Variants in MAP7D1 observed in about 807,000 individuals in gnomAD.
The protein encoded by MAP7D1 is MAP7 domain containing 1.
A neutral mutation model predicts 97.5 loss-of-function variants in MAP7D1; 30 were observed. The observed-to-expected ratio is 0.31, with a 90% CI of 0.23 to 0.42. The LOEUF (loss-of-function observed/expected upper bound fraction) is 0.42. MAP7D1 is among the 10% of genes least tolerant of loss of function. MAP7D1 has a pLI of 1.00. For missense variants in MAP7D1, 1,184 were observed against 1,179.5 expected (o/e 1.00, Z -0.06); for synonymous variants, 536 against 477.1 (o/e 1.12, Z -1.61).
Position 36,172,589 on chromosome 1 carries a change from C to T in MAP7D1, c.586C>T (p.Leu196=). 6.3e-7 allele frequency: 1 copy of T among 1,580,432 alleles called. No homozygotes were observed. Among genetic ancestry groups the T allele is most frequent in the Non-Finnish European group, 8.7e-7 (1 of 1,153,696 alleles). ...TAAAGCCGAGCAACGCCGTGCAGCC[C>T]TGGAGGAACGGCAGCGGCAGAAGCT... The part of the protein sequence containing the change: ...RLKAEQRRAA[L]EERQRQKLEK... Residue 196 remains leucine, a synonymous_variant, in exon 4 of 17, where the codon CTG becomes TTG. Coordinates refer to ENST00000474796, the MANE Select transcript of MAP7D1 (RefSeq NM_001388490.1).
Position 36,156,385 on chromosome 1 carries a change from T to TGAGACCCC in MAP7D1, c.-24_-17dup. On this transcript the variant is annotated 5_prime_UTR_variant, in exon 1 of 17. Coordinates refer to ENST00000474796, the MANE Select transcript of MAP7D1 (RefSeq NM_001388490.1). ...CACTGGCCGCCGCCGCCGCCGCCGCTGAGACCCCGAGACCCCCAGTGACGC... is the reference window on the plus strand; with the variant it reads ...CACTGGCCGCCGCCGCCGCCGCCGCTGAGACCCCGAGACCCCGAGACCCCCAGTGACGC... 6.7e-7 allele frequency: 1 copy of TGAGACCCC among 1,482,602 alleles called. No individual in the cohort carries two copies. 91.8% of individuals were successfully genotyped at this position (1,482,602 alleles called of 1,614,324 possible).
intron 6 of MAP7D1, 88 bp downstream of exon 6, chr1:36,175,096 CTGGAGCCCTCA>C: frequency 5.1e-6 from 4 of 784,144 alleles, no homozygotes; most frequent in East Asian, 5.2e-5. Context: ...CACCAGGTCC[CTGGAGCCCTCA>C]CATACTCCAG....
chr1:36,178,086 C>G lies in MAP7D1; in HGVS notation c.1593C>G (p.Arg531=). The part of the protein sequence containing the change: ...AGPEDKSQSK[R]RASNEKESAA... ...CCGAGGACAAGAGCCAGAGCAAGCG[C>G]AGGGCCAGTAACGAGAAGGAGTCAG... Residue 531 remains arginine, a synonymous_variant, in exon 9 of 17, where the codon CGC becomes CGG. Transcript: ENST00000474796. 3 of 1,607,010 alleles carry G rather than the reference C, an allele frequency of 1.9e-6. No homozygotes were observed. Among genetic ancestry groups the G allele is most frequent in the Non-Finnish European group, 2.5e-6 (3 of 1,177,180 alleles).
rs1644647227 is a variant in MAP7D1 at position 36,177,667 on chromosome 1, CAAT to C, written c.1380-202_1380-200del. The C allele has an allele frequency of 1.5e-5, 12 of 825,448 alleles. 1 individual carries two copies. The South Asian group carries it at 1.8e-4, about 13-fold the overall frequency. 51.1% of individuals were successfully genotyped at this position (825,448 alleles called of 1,614,324 possible). ...TTACAGGCTATTGGCGGGGGACATA[CAAT>C]AATCAAAGAATCCCACAGAAACATG... On this transcript the variant is annotated intron_variant, in intron 8 of 16. Transcript: ENST00000474796.
intron 6 of MAP7D1, 28 bp downstream of exon 6, chr1:36,175,036 C>G (rs753633905): frequency 1.3e-6 from 2 of 1,493,506 alleles, no homozygotes; most frequent in South Asian, 2.3e-5. Flanking sequence ...CCTTCCCCCT[C>G]CAGAGCCCCT....
In MAP7D1 at chr1:36,168,261, C is replaced by T. The variant is rs537844688; in HGVS notation, c.47-2710C>T. 1.2e-4 allele frequency among the ~76,000 whole-genome samples: 18 copies of T among 150,128 alleles called. 1 individual carries two copies. The South Asian group carries it at 3.6e-3, about 30-fold the overall frequency. On this transcript the variant is annotated intron_variant, in intron 1 of 16. Coordinates refer to ENST00000474796, the MANE Select transcript of MAP7D1 (RefSeq NM_001388490.1). ...AGTGAGCCGAGATCGCACCACTGCA[C>T]TCCAGCCTGGCAACAGAGTGAGACT... is the stretch of plus-strand genomic sequence containing the variant.
At chr1:36,171,434 G>A (rs1170908219) in intron 2 of MAP7D1, 79 bp from the exon 3 acceptor site, 11 of 1,571,092 alleles carry the variant, frequency 7.0e-6, no homozygotes, top group East Asian at 2.3e-5. Flanking sequence ...ATGGGGTGAG[G>A]CCCGGAGGGA....
chr1:36,178,928 A>G lies in MAP7D1; in HGVS notation c.2033A>G (p.Glu678Gly). 8 of 1,555,024 alleles carry G rather than the reference A, an allele frequency of 5.1e-6. No individual in the cohort carries two copies. The highest frequency in any genetic ancestry group is 7.0e-6 in the Non-Finnish European group (8 of 1,149,282). The change falls in exon 12 of 17, where the codon GAG becomes GGG. Residue 678 changes from glutamate (E) to glycine (G), a missense_variant. Coordinates refer to ENST00000474796, the MANE Select transcript of MAP7D1 (RefSeq NM_001388490.1). ...CATGGGGGTCTTTGGCAGAAAGAGG[A>G]GGCCGAAGCTCGGTCGCGGGAAGAG... Reference protein sequence around the residue: ...EQERLQKQKEEAEARSREEAE... With the variant: ...EQERLQKQKEGAEARSREEAE...
Position 36,171,509 on chromosome 1 carries a change from T to C in MAP7D1, c.392-4T>C, listed in dbSNP as rs1179059543. ...ACCTGTCTGTTCTTGTTCCCTCTGC[T>C]CAGAGGTGAAGAAGGCAGGAGAGAG... On this transcript the variant is annotated splice_polypyrimidine_tract_variant and splice_region_variant and intron_variant, in intron 2 of 16. Transcript: ENST00000474796. 6.2e-7 allele frequency: 1 copy of C among 1,613,956 alleles called. No individual in the cohort carries two copies. Among genetic ancestry groups the C allele is most frequent in the Non-Finnish European group, 8.5e-7 (1 of 1,179,998 alleles).
chr1:36,179,424 T>C (rs1469031252), intron 13 of MAP7D1, 91 bp from the exon 14 acceptor site: 4 of 1,573,380 alleles, frequency 2.5e-6, no homozygotes, highest in Non-Finnish European at 3.5e-6. Flanking sequence ...GGGAGGCCGC[T>C]GCGGCCCGGG....
intron 1 of MAP7D1, among the ~76,000 whole-genome samples, chr1:36,168,604 AGGAGTTGGT>A (rs1163284989): frequency 2.6e-5 from 4 of 152,124 alleles, no homozygotes; most frequent in South Asian, 4.1e-4. Context: ...CATGTAGCCT[AGGAGTTGGT>A]GGAGTTGGTG....
rs1352384597 is a variant in MAP7D1, at chr1:36,179,589, C to G, written c.2227+32C>G. 51 of 1,555,168 alleles carry G rather than the reference C, an allele frequency of 3.3e-5. 1 individual carries two copies. The Admixed American group carries it at 1.0e-3, about 30-fold the overall frequency. On this transcript the variant is annotated intron_variant, in intron 14 of 16. Transcript: ENST00000474796. The stretch of plus-strand genomic sequence containing the variant: ...CCCCCATTCCTCTCGCCTCCCTTCC[C>G]TTTGCCATCCTCCTCCTCCTCCATC...
chr1:36,170,410 A>C (rs1422586776), intron 1 of MAP7D1, among the ~76,000 whole-genome samples: 1 of 152,236 alleles, frequency 6.6e-6, no homozygotes, highest in Admixed American at 6.5e-5. Flanking sequence ...TGTGCCCAGC[A>C]CTGGCACCCT....
intron 3 of MAP7D1, 95 bp from the exon 4 acceptor site, chr1:36,172,369 C>T: frequency 1.6e-6 from 2 of 1,261,854 alleles, no homozygotes; most frequent in Non-Finnish European, 1.0e-6. Flanking sequence ...CCACCCAGGG[C>T]ATGGGTAGCA....
Position 36,176,346 on chromosome 1 carries a change from G to A in MAP7D1, c.998G>A (p.Gly333Asp). The A allele has an allele frequency of 6.5e-7, 1 of 1,527,938 alleles. No individual in the cohort carries two copies. The highest frequency in any genetic ancestry group is 8.8e-7 in the Non-Finnish European group (1 of 1,140,516). 94.6% of individuals were successfully genotyped at this position (1,527,938 alleles called of 1,614,324 possible). A position where few individuals can be genotyped will look rare whatever the true frequency, so the allele number is the denominator to read the frequency against. ...GGTAGGGGCTGCGACCCTGGGAGAG[G>A]CCCCACGTGGGGCCGGGCAGGGGCC... ...DQGRGCDPGR[G>D]PTWGRAGASL... Residue 333 changes from glycine to aspartate, a missense_variant, in exon 7 of 17, where the codon GGC becomes GAC. By Grantham distance (94) the Gly-to-Asp change is moderately conservative. Coordinates refer to ENST00000474796, the MANE Select transcript of MAP7D1 (RefSeq NM_001388490.1). This position sits in a 1 kb window ranked among gnomAD's most constrained non-coding sequence, Gnocchi z 6.1.
At chr1:36,168,604 A>AGGAGTTGGT (rs1163284989) in intron 1 of MAP7D1, among the ~76,000 whole-genome samples, 7 of 152,124 alleles carry the variant, frequency 4.6e-5, no homozygotes, top group African/African-American at 9.7e-5. Flanking sequence ...CATGTAGCCT[A>AGGAGTTGGT]GGAGTTGGTG....
intron 1 of MAP7D1, among the ~76,000 whole-genome samples, chr1:36,158,573 A>G (rs1204636908): frequency 6.6e-6 from 1 of 152,028 alleles, no homozygotes; most frequent in African/African-American, 2.4e-5. Context: ...CAAGTGACTT[A>G]CCTCCTGGAG....
chr1:36,172,437 C>A, intron 3 of MAP7D1, 27 bp from the exon 4 acceptor site: 1 of 1,512,366 alleles, frequency 6.6e-7, no homozygotes, highest in Non-Finnish European at 8.9e-7. Context: ...ACCCTTCACA[C>A]ACGCCACTGG....
In MAP7D1 at chr1:36,167,389, A is replaced by C. The variant is rs1644486241; in HGVS notation, c.47-3582A>C. ...AGTGGCCAAGGAAGATGAGGGATGG[A>C]AAACTGCCTGCTGGATTTAGCAGCA... On this transcript the variant is annotated intron_variant, in intron 1 of 16. Transcript: ENST00000474796. 2.0e-5 allele frequency among the ~76,000 whole-genome samples: 3 copies of C among 152,330 alleles called. 1 individual carries two copies. In the South Asian group the frequency reaches 6.2e-4, roughly 32 times the overall value.
Sources: gnomAD v4.1 joint callset for allele counts (sites outside exome capture counted in the v4.1 genomes callset) on GRCh38, gnomAD v4.1.1 for gene constraint, Gnocchi (gnomAD v3.1) non-coding constraint, MANE v1.5 for transcripts, NCBI Gene and HGNC (gene_info 2026-07-23, HGNC 2026-07-21) for gene names.